IKZF2: variants seen among roughly 807,000 people sequenced by gnomAD.
IKZF2 encodes IKAROS family zinc finger 2, also known as zinc finger protein Helios.
Under a neutral mutation model 49.2 loss-of-function variants are expected in IKZF2, and 15 were observed. That is an observed-to-expected ratio of 0.30 (90% CI 0.20 to 0.47). The LOEUF (loss-of-function observed/expected upper bound fraction) is 0.47. Ranked by LOEUF, IKZF2 falls within the 20% of genes least tolerant of loss-of-function variation. IKZF2 has a pLI of 1.00. For missense variants in IKZF2, 567 were observed against 664.6 expected (o/e 0.85, Z 1.61); for synonymous variants, 227 against 221.4 (o/e 1.03, Z -0.23).
At chr2:213,106,896 A>G (rs536442352) in intron 4 of IKZF2, among the ~76,000 whole-genome samples, 1 of 152,304 alleles carries the variant, frequency 6.6e-6, no homozygotes, top group East Asian at 1.9e-4. Flanking sequence ...TCTCCAATTC[A>G]GAGCAAAAGT....
intron 4 of IKZF2, among the ~76,000 whole-genome samples, chr2:213,076,169 G>A (rs1280514054): frequency 6.6e-6 from 1 of 151,794 alleles, no homozygotes; most frequent in Non-Finnish European, 1.5e-5. Context: ...TAAACTTCAT[G>A]AAACCCCATT....
intron 4 of IKZF2, among the ~76,000 whole-genome samples, chr2:213,067,419 T>C (rs1702264198): frequency 6.6e-6 from 1 of 151,984 alleles, no homozygotes; most frequent in Non-Finnish European, 1.5e-5. Flanking sequence ...GGGGCAAGCA[T>C]GAAGAGAGGA....
intron 4 of IKZF2, among the ~76,000 whole-genome samples, chr2:213,133,018 T>A (rs949717619): frequency 6.6e-6 from 1 of 152,252 alleles, no homozygotes; most frequent in Non-Finnish European, 1.5e-5. Context: ...GATCCAGATA[T>A]GTTATGTTCC....
At chr2:213,053,846 C>G (rs774703702) in intron 5 of IKZF2, among the ~76,000 whole-genome samples, 14 of 152,126 alleles carry the variant, frequency 9.2e-5, no homozygotes, top group Non-Finnish European at 1.6e-4. Flanking sequence ...TAATAAGACA[C>G]TGCAATTGGT....
At chr2:213,020,032 A>T (rs1270015151) in intron 7 of IKZF2, among the ~76,000 whole-genome samples, 1 of 152,220 alleles carries the variant, frequency 6.6e-6, no homozygotes, top group Non-Finnish European at 1.5e-5. Context: ...TCCATAAATA[A>T]CTAGGAATGC....
chr2:213,119,982 A>G (rs545378228), intron 4 of IKZF2, among the ~76,000 whole-genome samples: 1 of 152,346 alleles, frequency 6.6e-6, no homozygotes, highest in South Asian at 2.1e-4. Flanking sequence ...ATGTGAGCCC[A>G]GGTCTCTCCC....
At chr2:213,109,531 G>C (rs1050154504) in intron 4 of IKZF2, among the ~76,000 whole-genome samples, 1 of 151,838 alleles carries the variant, frequency 6.6e-6, no homozygotes, top group Non-Finnish European at 1.5e-5. Context: ...TTTCTGAAAG[G>C]TTAAGTAATT....
intron 4 of IKZF2, among the ~76,000 whole-genome samples, chr2:213,110,532 T>C (rs1381690903): frequency 2.0e-5 from 3 of 151,986 alleles, no homozygotes; most frequent in Non-Finnish European, 4.4e-5. Flanking sequence ...TATTCAATTA[T>C]TGGATATACC....
intron 4 of IKZF2, among the ~76,000 whole-genome samples, chr2:213,078,953 C>T (rs1559244978): frequency 6.6e-6 from 1 of 152,180 alleles, no homozygotes; most frequent in East Asian, 1.9e-4. Flanking sequence ...GTTGATATGA[C>T]AGTAGTACTA....
chr2:213,083,493 C>T (rs1164093147), intron 4 of IKZF2, among the ~76,000 whole-genome samples: 5 of 146,202 alleles, frequency 3.4e-5, no homozygotes, highest in South Asian at 4.3e-4. Context: ...CAGTTTCAAG[C>T]GATTCTCCTG....
intron 4 of IKZF2, among the ~76,000 whole-genome samples, chr2:213,098,677 A>G (rs1706295020): frequency 6.6e-6 from 1 of 152,154 alleles, no homozygotes; most frequent in Non-Finnish European, 1.5e-5. Flanking sequence ...GAAAAAAAAT[A>G]TATAGGAATA....
chr2:213,028,767 T>C (rs951120321), intron 6 of IKZF2, among the ~76,000 whole-genome samples: 14 of 152,122 alleles, frequency 9.2e-5, no homozygotes, highest in Non-Finnish European at 5.9e-5. Context: ...ATAGCCAAGA[T>C]ATGGCATCAA....
At position 213,047,257 on chromosome 2, in the gene IKZF2, T is replaced by C. The variant is rs188408947; in HGVS notation, c.574+2456A>G. Reference sequence around the variant, plus strand: ...GACAAATACAATTAGCGCAAATCTATAGAATGCATGGGTCATACATACCCC... The same window carrying C: ...GACAAATACAATTAGCGCAAATCTACAGAATGCATGGGTCATACATACCCC... On this transcript the variant is annotated intron_variant, in intron 6 of 8. Coordinates refer to ENST00000434687, the MANE Select transcript of IKZF2 (RefSeq NM_001387220.1). Among the ~76,000 whole-genome samples the C allele has an allele frequency of 9.9e-5, 15 of 152,228 alleles. No individual in the cohort carries two copies. The East Asian group carries it at 1.4e-3, about 14-fold the overall frequency.
At chr2:213,060,734 G>A (rs1393191319) in intron 4 of IKZF2, among the ~76,000 whole-genome samples, 2 of 151,480 alleles carry the variant, frequency 1.3e-5, no homozygotes, top group African/African-American at 4.8e-5. Context: ...AAGGGGATAT[G>A]AGACAAGATT....
At chr2:213,148,736 T>G (rs989139723) in intron 2 of IKZF2, 92 bp from the exon 3 acceptor site, 10 of 1,034,964 alleles carry the variant, frequency 9.7e-6, no homozygotes, top group Non-Finnish European at 1.5e-5. Context: ...AAGCAGTTAG[T>G]CCATGTTGCT....
intron 4 of IKZF2, among the ~76,000 whole-genome samples, chr2:213,131,852 G>A (rs2060482840): frequency 6.6e-6 from 1 of 152,136 alleles, no homozygotes; most frequent in African/African-American, 2.4e-5. Flanking sequence ...ATAACTGAGA[G>A]ACGTCTCTAA....
At chr2:213,046,965 C>G (rs1269513353) in intron 6 of IKZF2, among the ~76,000 whole-genome samples, 1 of 152,132 alleles carries the variant, frequency 6.6e-6, no homozygotes, top group African/African-American at 2.4e-5. Flanking sequence ...ACTACCACCA[C>G]TGCTGAGCTC....
intron 7 of IKZF2, 95 bp downstream of exon 7, chr2:213,021,898 C>A (rs1034049172): frequency 4.3e-5 from 57 of 1,328,186 alleles, no homozygotes; most frequent in Non-Finnish European, 5.8e-5. Context: ...TTAAAGTGAT[C>A]TAAAATAGTT....
chr2:213,109,788 A>C (rs2059642643), intron 4 of IKZF2, among the ~76,000 whole-genome samples: 1 of 152,054 alleles, frequency 6.6e-6, no homozygotes, highest in Admixed American at 6.6e-5. Flanking sequence ...TAGAAATTTT[A>C]AATAATATTA....
Sources: gnomAD v4.1 joint callset for allele counts (sites outside exome capture counted in the v4.1 genomes callset) on GRCh38, gnomAD v4.1.1 for gene constraint, MANE v1.5 for transcripts, NCBI Gene and HGNC (gene_info 2026-07-23, HGNC 2026-07-21) for gene names.